The following ZBBX variants were observed in gnomAD, a reference collection of about 807,000 sequenced individuals.
The protein encoded by ZBBX is zinc finger B-box domain-containing protein 1.
In ZBBX, 101 loss-of-function variants were observed where a neutral mutation model predicts 108.5. That is an observed-to-expected ratio of 0.93 (90% CI 0.79 to 1.10). The LOEUF (loss-of-function observed/expected upper bound fraction) is 1.10, where lower values mean the gene tolerates loss of function less well. Ranked by LOEUF, ZBBX falls within the 50% of genes least tolerant of loss-of-function variation. The pLI is 0.00. For missense variants in ZBBX, 1,009 were observed against 941.4 expected (o/e 1.07, Z -0.94); for synonymous variants, 356 against 323.4 (o/e 1.10, Z -1.08).
At chr3:167,372,203 T>G (rs1746267676) in intron 4 of ZBBX, among the ~76,000 whole-genome samples, 1 of 143,328 alleles carries the variant, frequency 7.0e-6, no homozygotes, top group African/African-American at 2.4e-5. Flanking sequence ...GGAGCAAGAC[T>G]TCGTCTAAAA....
chr3:167,280,694 G>T (rs1728635070), intron 20 of ZBBX, among the ~76,000 whole-genome samples: 1 of 151,044 alleles, frequency 6.6e-6, no homozygotes, highest in Non-Finnish European at 1.5e-5. Flanking sequence ...AAGTCAGTGT[G>T]GCGATTCCTC....
chr3:167,381,172 TA>T (rs199538811), upstream of ZBBX, among the ~76,000 whole-genome samples: 4 of 151,530 alleles, frequency 2.6e-5, no homozygotes, highest in South Asian at 2.1e-4. Context: ...AATACCCATT[TA>T]AAAAAAAATA....
At chr3:167,231,123 T>C in the ZBBX span, among the ~76,000 whole-genome samples, 5 of 151,690 alleles carry the variant, frequency 3.3e-5, no homozygotes, top group Non-Finnish European at 7.4e-5. Context: ...CCAATGAAAA[T>C]TTACGATTCT....
At chr3:167,184,433 G>A in the ZBBX span, among the ~76,000 whole-genome samples, 16 of 152,150 alleles carry the variant, frequency 1.1e-4, no homozygotes, top group South Asian at 4.2e-4. Context: ...AAGCCACCCC[G>A]CTTGGCCTTG....
the ZBBX span, among the ~76,000 whole-genome samples, chr3:167,228,224 T>C: frequency 6.6e-6 from 1 of 151,790 alleles, no homozygotes. Flanking sequence ...TTAAATTTCT[T>C]TTCAGCAGAG....
chr3:167,273,010 C>T (rs1395880161), intron 20 of ZBBX, among the ~76,000 whole-genome samples: 3 of 152,180 alleles, frequency 2.0e-5, no homozygotes, highest in African/African-American at 7.2e-5. Context: ...TACTTTAAGT[C>T]GCTTCTATAA....
intron 18 of ZBBX, among the ~76,000 whole-genome samples, chr3:167,291,618 C>T (rs1347754021): frequency 3.3e-5 from 5 of 152,114 alleles, no homozygotes; most frequent in African/African-American, 1.2e-4. Flanking sequence ...ATTGTAAAGA[C>T]CATTGACACT....
chr3:167,351,697 A>G (rs1272409918), intron 8 of ZBBX, among the ~76,000 whole-genome samples: 1 of 152,128 alleles, frequency 6.6e-6, no homozygotes, highest in African/African-American at 2.4e-5. Flanking sequence ...CCAAGTGCTG[A>G]GCAGCTGCAC....
At chr3:167,402,133 T>C (rs1214884781) in intron 1 of ZBBX, among the ~76,000 whole-genome samples, 2 of 152,120 alleles carry the variant, frequency 1.3e-5, no homozygotes, top group Admixed American at 1.3e-4. Context: ...ACAGTAATAG[T>C]TTGCTCAACG....
the ZBBX span, among the ~76,000 whole-genome samples, chr3:167,211,316 G>A: frequency 6.6e-6 from 1 of 152,150 alleles, no homozygotes; most frequent in Non-Finnish European, 1.5e-5. Context: ...ACAGAGCTAC[G>A]TGGAGTTTCG....
intron 8 of ZBBX, among the ~76,000 whole-genome samples, chr3:167,353,697 T>C (rs1743048414): frequency 1.3e-5 from 2 of 152,002 alleles, no homozygotes; most frequent in South Asian, 4.1e-4. Context: ...TGATATTATA[T>C]GTTTTATCTC....
At chr3:167,319,094 A>G (rs1735953843) in intron 12 of ZBBX, among the ~76,000 whole-genome samples, 1 of 151,998 alleles carries the variant, frequency 6.6e-6, no homozygotes, top group Non-Finnish European at 1.5e-5. Flanking sequence ...CACCTATCAC[A>G]GTCCCAGGTA....
chr3:167,252,930 T>C (rs1032327173), intron 20 of ZBBX, among the ~76,000 whole-genome samples: 2 of 152,196 alleles, frequency 1.3e-5, no homozygotes, highest in African/African-American at 4.8e-5. Context: ...TTAAAAACTG[T>C]ATGTTTGTCC....
At position 167,333,955 on chromosome 3, in the gene ZBBX, C is replaced by T; in HGVS notation, c.559G>A (p.Asp187Asn). The T allele has an allele frequency of 6.3e-7, 1 of 1,591,564 alleles. No individual in the cohort carries two copies. The highest frequency in any genetic ancestry group is 8.5e-7 in the Non-Finnish European group (1 of 1,170,428). The change falls in exon 10 of 22, where the codon GAT (aspartate) becomes AAT (asparagine). Residue 187 changes from aspartate to asparagine, a missense_variant. Asp to Asn is a conservative substitution (Grantham distance 23). Coordinates refer to ENST00000675490, the MANE Select transcript of ZBBX (RefSeq NM_001199201.2). ...TCCTTTATAAACTGATGGGCAACAT[C>T]CAATACATTGAATAATATTTGAGAT... ...AKSQILFNVL[D>N]VAHQFIKDVN...
At chr3:167,234,694 A>C in the ZBBX span, among the ~76,000 whole-genome samples, 1 of 151,838 alleles carries the variant, frequency 6.6e-6, no homozygotes, top group Non-Finnish European at 1.5e-5. Context: ...TAATAAAGAT[A>C]ACAGTAGAGA....
At chr3:167,342,250 T>C (rs1477145603) in intron 9 of ZBBX, among the ~76,000 whole-genome samples, 7 of 151,692 alleles carry the variant, frequency 4.6e-5, no homozygotes, top group African/African-American at 1.2e-4. Context: ...AAAGAAATCA[T>C]GAGATAACAT....
chr3:167,282,390 G>T lies in ZBBX; in HGVS notation c.2102C>A (p.Ala701Asp). 1 of 1,614,126 alleles carries T rather than the reference G, an allele frequency of 6.2e-7. No homozygotes were observed. The highest frequency in any genetic ancestry group is 8.5e-7 in the Non-Finnish European group (1 of 1,180,004). Residue 701 changes from alanine to aspartate, a missense_variant, in exon 20 of 22, where the codon GCT (alanine) becomes GAT (aspartate). Transcript: ENST00000675490. ...AGCAGCTCTAGATGATGATTGAGCA[G>T]CTGCACTTCTTGATCGAGGATGAGA... ...SSSHPRSRSA[A>D]AQSSSRAASE... is the part of the protein sequence containing the mutation.
intron 20 of ZBBX, among the ~76,000 whole-genome samples, chr3:167,278,860 T>C (rs920817076): frequency 1.3e-5 from 2 of 151,854 alleles, no homozygotes; most frequent in Non-Finnish European, 2.9e-5. Context: ...AATAAAATAC[T>C]GGCAAACAGA....
At chr3:167,345,062 C>T (rs923591608) in intron 9 of ZBBX, among the ~76,000 whole-genome samples, 2 of 151,830 alleles carry the variant, frequency 1.3e-5, no homozygotes, top group African/African-American at 4.8e-5. Flanking sequence ...GTTAAAAATT[C>T]CCTTGCTTTC....
Sources: allele counts gnomAD v4.1 joint callset (sites outside exome capture counted in the v4.1 genomes callset), GRCh38; gene constraint gnomAD v4.1.1; transcripts MANE v1.5; gene names NCBI Gene and HGNC (gene_info 2026-07-23, HGNC 2026-07-21).